Variants in XKR4 observed in about 807,000 individuals in gnomAD.
XKR4 encodes XK related 4, also known as XK-related protein 4.
XKR4 carries 12 observed loss-of-function variants against 53.9 expected under a neutral mutation model. The observed-to-expected ratio is 0.22, with a 90% confidence interval of 0.14 to 0.36. The LOEUF is 0.36. XKR4 is among the 10% of genes least tolerant of loss of function. XKR4 has a pLI of 1.00. For missense variants in XKR4, 799 were observed against 859.5 expected (o/e 0.93, Z 0.88); for synonymous variants, 354 against 362.4 (o/e 0.98, Z 0.26).
intron 1 of XKR4, among the ~76,000 whole-genome samples, chr8:55,318,376 A>G (rs943934441): frequency 2.0e-5 from 3 of 152,212 alleles, no homozygotes; most frequent in African/African-American, 7.2e-5. Flanking sequence ...GTTCATGTCA[A>G]TGAGAGTTTG....
At chr8:55,248,151 A>G (rs13254813) in intron 1 of XKR4, among the ~76,000 whole-genome samples, 119,314 of 151,938 alleles carry the variant, frequency 0.79, 49,110 homozygotes, top group Non-Finnish European at 0.92. Context: ...CACCATGCCC[A>G]GCCTATTTTT....
intron 1 of XKR4, among the ~76,000 whole-genome samples, chr8:55,269,967 A>G (rs1818663164): frequency 2.6e-5 from 4 of 152,264 alleles, no homozygotes. Flanking sequence ...CAACTGTGCC[A>G]TGCTTTTGGA....
At chr8:55,469,775 A>G (rs1331867774) in intron 2 of XKR4, among the ~76,000 whole-genome samples, 1 of 152,138 alleles carries the variant, frequency 6.6e-6, no homozygotes, top group Non-Finnish European at 1.5e-5. Context: ...CTATGAGCTA[A>G]CTAGGAACAA....
At chr8:55,134,489 A>G (rs1871724) in intron 1 of XKR4, among the ~76,000 whole-genome samples, 77,895 of 152,084 alleles carry the variant, frequency 0.51, 21,384 homozygotes, top group South Asian at 0.7. Context: ...AGTCAAAATA[A>G]TGTTAACTAC....
rs1382796939 is a variant in XKR4, at chr8:55,530,319, T to C, written c.*6092T>C. The stretch of plus-strand genomic sequence containing the variant: ...ATATCTTGCAGGTCACAAACTTTAA[T>C]ATTTAAGAGGATTATTAAACCACTA... On this transcript the variant is annotated 3_prime_UTR_variant, in exon 3 of 3. Coordinates refer to ENST00000327381, the MANE Select transcript of XKR4 (RefSeq NM_052898.2). The C allele has an allele frequency of 6.6e-6, 1 of 152,252 alleles. No homozygotes were observed. Among genetic ancestry groups the C allele is most frequent in the African/African-American group, 2.4e-5 (1 of 41,472 alleles). The allele number at this position is 152,252 out of a possible 1,614,324, so 9.4% of individuals were successfully genotyped here.
chr8:55,443,530 TAAAAAAAAA>T (rs751152509), intron 2 of XKR4, among the ~76,000 whole-genome samples: 8 of 74,026 alleles, frequency 1.1e-4, no homozygotes, highest in Admixed American at 2.0e-4. Flanking sequence ...TCAGTTACAT[TAAAAAAAAA>T]AAAAAAAAAA....
chr8:55,196,912 A>G (rs948188649), intron 1 of XKR4, among the ~76,000 whole-genome samples: 1 of 152,152 alleles, frequency 6.6e-6, no homozygotes, highest in Non-Finnish European at 1.5e-5. Flanking sequence ...GGACGCTAGA[A>G]GAAGAAAGGT....
chr8:55,462,566 C>T (rs1805678970), intron 2 of XKR4, among the ~76,000 whole-genome samples: 1 of 152,148 alleles, frequency 6.6e-6, no homozygotes, highest in Admixed American at 6.6e-5. Context: ...ACTGCATCAA[C>T]TAACGAGCAA....
At chr8:55,124,243 C>A (rs1471381953) in intron 1 of XKR4, among the ~76,000 whole-genome samples, 2 of 152,178 alleles carry the variant, frequency 1.3e-5, no homozygotes, top group African/African-American at 2.4e-5. Flanking sequence ...GCTCCTTGGC[C>A]ATTCATCTAC....
At chr8:55,182,629 A>G (rs7836652) in intron 1 of XKR4, among the ~76,000 whole-genome samples, 3 of 151,992 alleles carry the variant, frequency 2.0e-5, no homozygotes, top group Admixed American at 1.3e-4. Context: ...TATTTTTGGG[A>G]TCTCTGTTCT....
At chr8:55,154,514 C>G (rs1816880313) in intron 1 of XKR4, among the ~76,000 whole-genome samples, 1 of 152,122 alleles carries the variant, frequency 6.6e-6, no homozygotes. Flanking sequence ...GTACTTAATG[C>G]CAGTGACATC....
chr8:55,163,872 A>G (rs1817024327), intron 1 of XKR4, among the ~76,000 whole-genome samples: 1 of 152,170 alleles, frequency 6.6e-6, no homozygotes, highest in South Asian at 2.1e-4. Flanking sequence ...TGAAATATAA[A>G]TAAATAAATA....
At chr8:55,292,073 A>G (rs1430438483) in intron 1 of XKR4, among the ~76,000 whole-genome samples, 1 of 152,070 alleles carries the variant, frequency 6.6e-6, no homozygotes, top group East Asian at 1.9e-4. Flanking sequence ...GCTTAATTCT[A>G]TTTGTGAATA....
chr8:55,282,582 T>C (rs1207567761), intron 1 of XKR4, among the ~76,000 whole-genome samples: 1 of 152,154 alleles, frequency 6.6e-6, no homozygotes, highest in Non-Finnish European at 1.5e-5. Context: ...TGTGAACCAA[T>C]AGAGCAAGAA....
At position 55,523,273 on chromosome 8, in the gene XKR4, C is replaced by G. The variant is rs1806826394; in HGVS notation, c.1007-8C>G. On this transcript the variant is annotated splice_region_variant and splice_polypyrimidine_tract_variant and intron_variant, in intron 2 of 2. Coordinates refer to ENST00000327381, the MANE Select transcript of XKR4 (RefSeq NM_052898.2). ...TCTGACACACTGTCTTCCTGTTTGCCTTTGTAGGTTTCACAGCGGCAGCTT... is the reference window on the plus strand; with the variant it reads ...TCTGACACACTGTCTTCCTGTTTGCGTTTGTAGGTTTCACAGCGGCAGCTT... The G allele has an allele frequency of 1.9e-6, 3 of 1,586,618 alleles. No individual in the cohort carries two copies. The South Asian group carries it at 3.5e-5, about 18-fold the overall frequency.
intron 1 of XKR4, among the ~76,000 whole-genome samples, chr8:55,344,029 A>C (rs1362429024): frequency 6.6e-6 from 1 of 152,142 alleles, no homozygotes; most frequent in Admixed American, 6.5e-5. Context: ...GGAAGTTGGC[A>C]CTTTGCTGGT....
chr8:55,501,940 GC>G (rs1310894000), intron 2 of XKR4, among the ~76,000 whole-genome samples: 3 of 152,078 alleles, frequency 2.0e-5, no homozygotes, highest in Non-Finnish European at 4.4e-5. Context: ...TGTAGTATTT[GC>G]ATATAACCTA....
At chr8:55,285,103 G>T (rs949097721) in intron 1 of XKR4, among the ~76,000 whole-genome samples, 30 of 152,132 alleles carry the variant, frequency 2.0e-4, no homozygotes, top group African/African-American at 7.2e-4. Context: ...AGAAGCCCAA[G>T]ATCTTACAAT....
intron 2 of XKR4, among the ~76,000 whole-genome samples, chr8:55,434,173 A>G (rs562332106): frequency 3.9e-5 from 6 of 152,188 alleles, no homozygotes; most frequent in South Asian, 2.1e-4. Context: ...CTATATATAC[A>G]TTAGAGAAAA....
Sources: allele counts gnomAD v4.1 joint callset (sites outside exome capture counted in the v4.1 genomes callset), GRCh38; gene constraint gnomAD v4.1.1; transcripts MANE v1.5; gene names NCBI Gene and HGNC (gene_info 2026-07-23, HGNC 2026-07-21).